Variants in SCN11A observed in about 807,000 individuals in gnomAD.
The protein encoded by SCN11A is sodium channel protein type 11 subunit alpha.
SCN11A carries 122 observed loss-of-function variants against 162.2 expected under a neutral mutation model. The ratio of observed to expected loss-of-function variants is 0.75; its 90% CI spans 0.65 to 0.87. The LOEUF (loss-of-function observed/expected upper bound fraction) is 0.87, where lower values mean the gene tolerates loss of function less well. Among genes scored for constraint, SCN11A ranks in the 40% least tolerant of loss-of-function variants. The probability of loss-of-function intolerance (pLI) is 0.00; values close to 1 mark genes in which losing one functional copy is unlikely to be tolerated. For missense variants in SCN11A, 2,015 were observed against 2,181.6 expected (o/e 0.92, Z 1.52); for synonymous variants, 758 against 751.5 (o/e 1.01, Z -0.14).
intron 2 of SCN11A, among the ~76,000 whole-genome samples, chr3:39,007,681 A>G (rs1428176317): frequency 6.6e-6 from 1 of 152,250 alleles, no homozygotes; most frequent in East Asian, 1.9e-4. Flanking sequence ...CCATCGGGAA[A>G]GGAGCTCCTG....
chr3:39,034,975 C>T (rs2031866691), intron 1 of SCN11A, among the ~76,000 whole-genome samples: 1 of 151,948 alleles, frequency 6.6e-6, no homozygotes, highest in Non-Finnish European at 1.5e-5. Context: ...AAAGATATAC[C>T]ATGTTCATGG....
intron 2 of SCN11A, among the ~76,000 whole-genome samples, chr3:39,023,857 G>A (rs2031515204): frequency 6.6e-6 from 1 of 152,082 alleles, no homozygotes; most frequent in Admixed American, 6.5e-5. Context: ...TGGCCAGGCT[G>A]GTCTCAAACT....
At chr3:38,978,149 C>T (rs995513784) in intron 2 of SCN11A, among the ~76,000 whole-genome samples, 1 of 152,162 alleles carries the variant, frequency 6.6e-6, no homozygotes, top group African/African-American at 2.4e-5. Flanking sequence ...GGTGGAGAGG[C>T]CAGGATCCAT....
rs2065611029 is a variant in SCN11A, at chr3:38,896,977, G to A, written c.2271C>T (p.Ser757=). The change falls in exon 18 of 30, where the codon TCC becomes TCT. Residue 757 remains serine, a synonymous_variant. Transcript: ENST00000302328. ...RHWHMGDFWH[S]FLVVFRILCG... is the part of the protein sequence containing the mutation. ...AGAGGATGCGGAATACCACTAGGAAGGAGTGCCAGAAATCCCCCATGTGCC... is the reference window on the plus strand; with the variant it reads ...AGAGGATGCGGAATACCACTAGGAAAGAGTGCCAGAAATCCCCCATGTGCC... 1 of 1,614,150 alleles carries A rather than the reference G, an allele frequency of 6.2e-7. No homozygotes were observed. The highest frequency in any genetic ancestry group is 8.5e-7 in the Non-Finnish European group (1 of 1,180,010).
chr3:38,904,272 A>C (rs1480411903), intron 15 of SCN11A, among the ~76,000 whole-genome samples, 169 bp from the exon 16 acceptor site: 1 of 152,194 alleles, frequency 6.6e-6, no homozygotes, highest in Non-Finnish European at 1.5e-5. Flanking sequence ...ATCTTAGTGC[A>C]GAAGAGACAA....
rs2126124774 is a variant in SCN11A, at chr3:38,904,063, T to C, written c.1644A>G (p.Glu548=). ...KSQEPCLPCG[E]NLASKYLVWN... is the part of the protein sequence containing the mutation. ...ACACGAGGTACTTGGATGCCAGGTTTTCTCCACAAGGGAGACAAGGCTCTT... is the reference window on the plus strand; with the variant it reads ...ACACGAGGTACTTGGATGCCAGGTTCTCTCCACAAGGGAGACAAGGCTCTT... Residue 548 remains glutamate, a synonymous_variant, in exon 16 of 30, where the codon GAA becomes GAG. Coordinates refer to ENST00000302328, the MANE Select transcript of SCN11A (RefSeq NM_001349253.2). 1.2e-6 allele frequency: 2 copies of C among 1,601,202 alleles called. No homozygotes were observed. The highest frequency in any genetic ancestry group is 1.7e-6 in the Non-Finnish European group (2 of 1,175,576).
chr3:38,858,994 T>C (rs1421430202), intron 28 of SCN11A, among the ~76,000 whole-genome samples: 1 of 151,968 alleles, frequency 6.6e-6, no homozygotes, highest in Non-Finnish European at 1.5e-5. Flanking sequence ...TGACACAACT[T>C]ATGAAAACCA....
intron 28 of SCN11A, among the ~76,000 whole-genome samples, chr3:38,859,965 G>T (rs762554076): frequency 4.6e-5 from 7 of 152,114 alleles, no homozygotes; most frequent in African/African-American, 9.7e-5. Context: ...GTACAGTACT[G>T]TAAAACCTAA....
intron 23 of SCN11A, among the ~76,000 whole-genome samples, chr3:38,874,158 A>T (rs941744531): frequency 6.6e-6 from 1 of 152,222 alleles, no homozygotes; most frequent in Non-Finnish European, 1.5e-5. Context: ...AATATTCCCT[A>T]CAGTGGCTGT....
At chr3:39,047,066 C>T (rs1406015912) in intron 1 of SCN11A, among the ~76,000 whole-genome samples, 2 of 129,964 alleles carry the variant, frequency 1.5e-5, no homozygotes, top group African/African-American at 5.6e-5. Flanking sequence ...CCACCCCCAC[C>T]CCCTTTTTTT....
intron 2 of SCN11A, among the ~76,000 whole-genome samples, chr3:39,020,972 G>A (rs1166650658): frequency 1.3e-5 from 2 of 151,992 alleles, no homozygotes; most frequent in Non-Finnish European, 2.9e-5. Context: ...GGGGAGTGGG[G>A]AGGAACTATT....
intron 2 of SCN11A, among the ~76,000 whole-genome samples, chr3:39,029,884 C>T (rs2031701173): frequency 6.6e-6 from 1 of 152,174 alleles, no homozygotes; most frequent in Non-Finnish European, 1.5e-5. Context: ...AATGCCTGTG[C>T]TTTCTATAGG....
At chr3:38,993,126 C>G (rs777468284) in intron 2 of SCN11A, among the ~76,000 whole-genome samples, 2 of 152,162 alleles carry the variant, frequency 1.3e-5, no homozygotes, top group Admixed American at 1.3e-4. Flanking sequence ...TACCTGTGAC[C>G]GTGATTGTTT....
rs114386474 is a variant in SCN11A, at chr3:39,031,597, G to A, written c.-280+783C>T. On this transcript the variant is annotated intron_variant, in intron 2 of 29. Transcript: ENST00000302328. ...AAAGAAAAAGAAAGATAAAATGGAG[G>A]TCTTTCTGCCAGGACAAAAATAGTA... 1.8e-3 allele frequency among the ~76,000 whole-genome samples: 280 copies of A among 151,758 alleles called. 1 individual carries two copies. The highest frequency in any genetic ancestry group is 3.2e-3 in the Non-Finnish European group (219 of 67,912).
chr3:39,037,637 TA>T (rs534996408), intron 1 of SCN11A, among the ~76,000 whole-genome samples: 31 of 151,906 alleles, frequency 2.0e-4, no homozygotes, highest in East Asian at 9.7e-4. Context: ...AAATTAAAAA[TA>T]AAAAAAATTA....
intron 2 of SCN11A, among the ~76,000 whole-genome samples, chr3:38,989,916 A>C (rs1301134905): frequency 6.6e-6 from 1 of 151,720 alleles, no homozygotes; most frequent in Non-Finnish European, 1.5e-5. Flanking sequence ...CTGTCGAAAT[A>C]ATGTTCCCAG....
At chr3:38,980,006 G>T (rs2029957503) in intron 2 of SCN11A, among the ~76,000 whole-genome samples, 1 of 152,116 alleles carries the variant, frequency 6.6e-6, no homozygotes, top group Admixed American at 6.5e-5. Flanking sequence ...ATTCAACCCA[G>T]GCCTGCAGCT....
chr3:39,013,014 A>G (rs935930110), intron 2 of SCN11A, among the ~76,000 whole-genome samples: 1 of 152,178 alleles, frequency 6.6e-6, no homozygotes, highest in Non-Finnish European at 1.5e-5. Context: ...CTAAAAATGT[A>G]CCTCCAGCTA....
At chr3:38,881,367 G>A (rs2065306361) in intron 22 of SCN11A, among the ~76,000 whole-genome samples, 2 of 152,118 alleles carry the variant, frequency 1.3e-5, no homozygotes, top group South Asian at 4.1e-4. Context: ...TCGTTTGTTT[G>A]CCTCTTGAGG....
Sources: allele counts gnomAD v4.1 joint callset (sites outside exome capture counted in the v4.1 genomes callset), GRCh38; gene constraint gnomAD v4.1.1; transcripts MANE v1.5; gene names NCBI Gene and HGNC (gene_info 2026-07-23, HGNC 2026-07-21).